Variants in CMC1 observed in about 807,000 individuals in gnomAD.
CMC1 encodes COX assembly mitochondrial protein homolog.
In CMC1, 14 loss-of-function variants were observed where a neutral mutation model predicts 14.1. That is an observed-to-expected ratio of 0.99 (90% CI 0.66 to 1.55). The LOEUF is 1.55. Ranked by LOEUF, CMC1 falls within the 40% of genes most tolerant of loss-of-function variation. The pLI, the probability that CMC1 is intolerant of heterozygous loss-of-function variation, is 0.00. For synonymous variants in CMC1, 50 were observed against 38.4 expected (o/e 1.30, Z -1.12); for missense variants, 127 against 123.8 (o/e 1.03, Z -0.12).
intron 1 of CMC1, among the ~76,000 whole-genome samples, chr3:28,249,306 A>G (rs1401627108): frequency 1.3e-5 from 2 of 152,216 alleles, no homozygotes; most frequent in African/African-American, 4.8e-5. Flanking sequence ...ATTATTGTAT[A>G]CACAATCCCT....
chr3:28,272,921 G>A (rs1174203939), intron 2 of CMC1, among the ~76,000 whole-genome samples: 4 of 152,000 alleles, frequency 2.6e-5, no homozygotes, highest in Admixed American at 6.6e-5. Flanking sequence ...TCCTGACCTT[G>A]TGATCTGCCC....
chr3:28,292,433 T>C (rs903990756), intron 2 of CMC1, among the ~76,000 whole-genome samples: 1 of 152,152 alleles, frequency 6.6e-6, no homozygotes, highest in Non-Finnish European at 1.5e-5. Flanking sequence ...ACCCTTATCC[T>C]AAACGTTGTT....
In CMC1 at chr3:28,283,554, A is replaced by C. The variant is rs935694748; in HGVS notation, c.109+20174A>C. Among the ~76,000 whole-genome samples, 702 of 104,206 alleles carry C rather than the reference A, an allele frequency of 6.7e-3. 2 individuals are homozygous for C. The highest frequency in any genetic ancestry group is 0.013 in the Middle Eastern group (2 of 160). The allele number at this position is 104,206 out of a possible 152,430, so 68.4% of individuals were successfully genotyped here. The stretch of plus-strand genomic sequence containing the variant: ...ACAACAACAACAACAACAAAAACAA[A>C]AAAAAAAAAAAAAGAAAAGAAGAAA... On this transcript the variant is annotated intron_variant, in intron 2 of 3. Coordinates refer to ENST00000466830, the MANE Select transcript of CMC1 (RefSeq NM_182523.2).
chr3:28,259,950 T>G (rs1699646906), intron 1 of CMC1, among the ~76,000 whole-genome samples: 1 of 152,216 alleles, frequency 6.6e-6, no homozygotes, highest in African/African-American at 2.4e-5. Flanking sequence ...TGATGTAAGC[T>G]AGAAGATTTT....
chr3:28,320,718 A>G lies in CMC1; in HGVS notation c.*1089A>G, dbSNP rs1243031278. 4.6e-5 allele frequency: 7 copies of G among 151,570 alleles called. No homozygotes were observed. Among genetic ancestry groups the G allele is most frequent in the Admixed American group, 4.0e-4 (6 of 15,150 alleles). The allele number at this position is 151,570 out of a possible 1,614,324, so 9.4% of individuals were successfully genotyped here. A position where few individuals can be genotyped will look rare whatever the true frequency, so the allele number is the denominator to read the frequency against. The stretch of plus-strand genomic sequence containing the variant: ...CTTTAATCTTTCATTTTGAAAAGTT[A>G]TATTTCTAAGTGAATTACCATTCTG... On this transcript the variant is annotated 3_prime_UTR_variant, in exon 4 of 4. Coordinates refer to ENST00000466830, the MANE Select transcript of CMC1 (RefSeq NM_182523.2).
intron 2 of CMC1, among the ~76,000 whole-genome samples, chr3:28,288,982 G>C (rs1375917974): frequency 6.6e-6 from 1 of 151,370 alleles, no homozygotes; most frequent in Non-Finnish European, 1.5e-5. Context: ...TATTTGGTTG[G>C]GAAGACCATC....
At chr3:28,282,023 A>T (rs905597452) in intron 2 of CMC1, among the ~76,000 whole-genome samples, 15 of 152,070 alleles carry the variant, frequency 9.9e-5, no homozygotes, top group Non-Finnish European at 2.1e-4. Flanking sequence ...TTTAGATTTG[A>T]TTTCTGGTTA....
intron 2 of CMC1, among the ~76,000 whole-genome samples, chr3:28,267,809 G>T (rs767712249): frequency 1.4e-4 from 22 of 152,184 alleles, no homozygotes; most frequent in Admixed American, 1.3e-4. Flanking sequence ...TTACAGGCAG[G>T]TAATTATCAG....
chr3:28,249,928 A>G (rs1454168985), intron 1 of CMC1, among the ~76,000 whole-genome samples: 1 of 152,166 alleles, frequency 6.6e-6, no homozygotes, highest in South Asian at 2.1e-4. Context: ...GTGTGTTTAC[A>G]TGGCAGTGAG....
intron 1 of CMC1, among the ~76,000 whole-genome samples, chr3:28,257,825 T>A (rs1263470158): frequency 6.6e-6 from 1 of 152,042 alleles, no homozygotes; most frequent in African/African-American, 2.4e-5. Context: ...ATATTTTCAT[T>A]TATCTTGCAT....
intron 2 of CMC1, among the ~76,000 whole-genome samples, chr3:28,268,712 C>T (rs187845726): frequency 2.0e-5 from 3 of 152,180 alleles, no homozygotes; most frequent in Non-Finnish European, 2.9e-5. Context: ...GCTATGTTAA[C>T]TCTTTTCTGC....
At chr3:28,248,572 G>C (rs1324309462) in intron 1 of CMC1, among the ~76,000 whole-genome samples, 1 of 152,182 alleles carries the variant, frequency 6.6e-6, no homozygotes, top group Non-Finnish European at 1.5e-5. Flanking sequence ...ACTCCACACA[G>C]AAATAAATTC....
chr3:28,245,686 T>C (rs1698787697), intron 1 of CMC1, among the ~76,000 whole-genome samples: 2 of 152,254 alleles, frequency 1.3e-5, no homozygotes, highest in Middle Eastern at 3.4e-3. Context: ...TGACATTCCA[T>C]GAGAAGGTGT....
chr3:28,302,128 C>T (rs1324966073), intron 2 of CMC1, among the ~76,000 whole-genome samples: 1 of 152,192 alleles, frequency 6.6e-6, no homozygotes, highest in African/African-American at 2.4e-5. Context: ...TTAATGGTCA[C>T]TGTTGGCTCA....
rs953006483 is a variant in CMC1 at position 28,323,466 on chromosome 3, T to A, written c.*3837T>A. 1 of 151,134 alleles carries A rather than the reference T, an allele frequency of 6.6e-6. No individual in the cohort carries two copies. The highest frequency in any genetic ancestry group is 2.4e-5 in the African/African-American group (1 of 41,228). 9.4% of individuals were successfully genotyped at this position (151,134 alleles called of 1,614,324 possible). ...AATTCAAACTTCAATTCTAAAAAAA[T>A]TTTATCAACAAAACACTGTGACCAA... On this transcript the variant is annotated 3_prime_UTR_variant, in exon 4 of 4. Transcript: ENST00000466830.
chr3:28,274,221 T>TTTTG (rs1491526613), intron 2 of CMC1, among the ~76,000 whole-genome samples: 12 of 69,432 alleles, frequency 1.7e-4, no homozygotes, highest in African/African-American at 2.6e-4. Flanking sequence ...TGTTTTTTTC[T>TTTTG]TTTTTTTTTT....
chr3:28,314,075 G>A (rs1316056841), intron 2 of CMC1, among the ~76,000 whole-genome samples: 3 of 152,164 alleles, frequency 2.0e-5, no homozygotes, highest in Non-Finnish European at 4.4e-5. Context: ...ATTGAACATG[G>A]CAGTTCTCTT....
chr3:28,311,875 G>A (rs184796498), intron 2 of CMC1, among the ~76,000 whole-genome samples: 22 of 152,230 alleles, frequency 1.4e-4, no homozygotes, highest in African/African-American at 4.8e-4. Context: ...TCCTATATTT[G>A]TAAAACCTCT....
rs752558265 is a variant in CMC1 at position 28,320,721 on chromosome 3, T to G, written c.*1092T>G. ...TAATCTTTCATTTTGAAAAGTTATA[T>G]TTCTAAGTGAATTACCATTCTGTAA... On this transcript the variant is annotated 3_prime_UTR_variant, in exon 4 of 4. Coordinates refer to ENST00000466830, the MANE Select transcript of CMC1 (RefSeq NM_182523.2). The G allele has an allele frequency of 6.6e-5, 10 of 151,592 alleles. No homozygotes were observed. Among genetic ancestry groups the G allele is most frequent in the Non-Finnish European group, 1.3e-4 (9 of 67,692 alleles). 9.4% of individuals were successfully genotyped at this position (151,592 alleles called of 1,614,324 possible).
Sources: gnomAD v4.1 joint callset for allele counts (sites outside exome capture counted in the v4.1 genomes callset) on GRCh38, gnomAD v4.1.1 for gene constraint, MANE v1.5 for transcripts, NCBI Gene and HGNC (gene_info 2026-07-23, HGNC 2026-07-21) for gene names.